R3HCC1L: variants seen among roughly 807,000 people sequenced by gnomAD.
R3HCC1L encodes the protein coiled-coil domain-containing protein R3HCC1L.
In R3HCC1L, 51 loss-of-function variants were observed where a neutral mutation model predicts 59.9. That is an observed-to-expected ratio of 0.85 (90% CI 0.68 to 1.07). The LOEUF is 1.07. R3HCC1L is among the 50% of genes least tolerant of loss of function. The pLI is 0.00. For synonymous variants in R3HCC1L, 322 were observed against 315.2 expected (o/e 1.02, Z -0.23); for missense variants, 965 against 933.0 (o/e 1.03, Z -0.45).
At chr10:98,221,515 T>C (rs113609326) in intron 5 of R3HCC1L, among the ~76,000 whole-genome samples, 1 of 151,886 alleles carries the variant, frequency 6.6e-6, no homozygotes, top group African/African-American at 2.4e-5. Flanking sequence ...GTTTTAGGTC[T>C]AACGTTTAAG....
intron 4 of R3HCC1L, among the ~76,000 whole-genome samples, chr10:98,169,013 T>G (rs1277927828): frequency 1.3e-5 from 2 of 152,158 alleles, no homozygotes; most frequent in East Asian, 1.9e-4. Flanking sequence ...ACCATATGGC[T>G]TTTGAGGGTG....
intron 5 of R3HCC1L, among the ~76,000 whole-genome samples, chr10:98,211,828 AG>A (rs1476622874): frequency 6.6e-6 from 1 of 152,092 alleles, no homozygotes; most frequent in Non-Finnish European, 1.5e-5. Flanking sequence ...GTATTGGAAG[AG>A]GGGGAGTTCA....
chr10:98,194,924 T>G (rs1321810396), intron 4 of R3HCC1L, among the ~76,000 whole-genome samples: 1 of 152,068 alleles, frequency 6.6e-6, no homozygotes, highest in Non-Finnish European at 1.5e-5. Flanking sequence ...TTCCTAAAAC[T>G]AAAAATAGAA....
chr10:98,135,599 A>C (rs772719924), intron 1 of R3HCC1L, among the ~76,000 whole-genome samples: 48 of 152,196 alleles, frequency 3.2e-4, no homozygotes, highest in Non-Finnish European at 2.5e-4. Flanking sequence ...AATAGGGGGA[A>C]AGTGTCTTTG....
chr10:98,196,939 C>G (rs539490940), intron 4 of R3HCC1L, among the ~76,000 whole-genome samples: 1 of 152,216 alleles, frequency 6.6e-6, no homozygotes, highest in Non-Finnish European at 1.5e-5. Context: ...TTTCTTGAGA[C>G]AGGGTCTTAC....
intron 4 of R3HCC1L, among the ~76,000 whole-genome samples, chr10:98,197,850 G>A (rs1439790696): frequency 6.6e-6 from 1 of 152,142 alleles, no homozygotes; most frequent in Non-Finnish European, 1.5e-5. Flanking sequence ...ATCAAGGAGA[G>A]TCATAATGAA....
intron 4 of R3HCC1L, among the ~76,000 whole-genome samples, chr10:98,167,750 T>C (rs1276846561): frequency 1.3e-5 from 2 of 152,176 alleles, no homozygotes; most frequent in African/African-American, 2.4e-5. Context: ...TGTGTAATCT[T>C]AAGTAACTTA....
At chr10:98,157,536 G>T (rs918774351) in intron 2 of R3HCC1L, among the ~76,000 whole-genome samples, 1 of 152,158 alleles carries the variant, frequency 6.6e-6, no homozygotes, top group Non-Finnish European at 1.5e-5. Context: ...TCCAGAGTTG[G>T]TATGGCCAGT....
chr10:98,187,503 G>C (rs1296409800), intron 4 of R3HCC1L, among the ~76,000 whole-genome samples: 1 of 152,050 alleles, frequency 6.6e-6, no homozygotes, highest in Non-Finnish European at 1.5e-5. Flanking sequence ...AAAATACAGA[G>C]TATCAATTCT....
In R3HCC1L at chr10:98,209,276, C is replaced by G; in HGVS notation, c.1162C>G (p.His388Asp). The G allele has an allele frequency of 6.2e-7, 1 of 1,613,858 alleles. No individual in the cohort carries two copies. The highest frequency in any genetic ancestry group is 8.5e-7 in the Non-Finnish European group (1 of 1,179,916). ...MDTTGMSCSDHVTVDSPYVVA... is the reference protein window; with the variant it reads ...MDTTGMSCSDDVTVDSPYVVA... ...CACTACAGGTATGTCCTGTAGTGAT[C>G]ATGTAACTGTTGATAGCCCTTATGT... The change falls in exon 5 of 10, where the codon CAT (histidine) becomes GAT (aspartate). Residue 388 changes from histidine (H) to aspartate (D), a missense_variant. Physicochemically the swap from His to Asp is moderately conservative, Grantham distance 81. Transcript: ENST00000298999.
At chr10:98,229,759 A>G (rs1206104422) in intron 5 of R3HCC1L, among the ~76,000 whole-genome samples, 2 of 152,174 alleles carry the variant, frequency 1.3e-5, no homozygotes, top group Admixed American at 1.3e-4. Context: ...CGTCCCATCA[A>G]TACCTAATTT....
At chr10:98,195,295 T>G (rs1851302491) in intron 4 of R3HCC1L, among the ~76,000 whole-genome samples, 1 of 152,110 alleles carries the variant, frequency 6.6e-6, no homozygotes, top group Non-Finnish European at 1.5e-5. Flanking sequence ...ACTAGAATGG[T>G]GGTTGCCAAG....
At chr10:98,141,860 C>T (rs77864451) in intron 1 of R3HCC1L, among the ~76,000 whole-genome samples, 2 of 152,268 alleles carry the variant, frequency 1.3e-5, no homozygotes, top group Admixed American at 6.5e-5. Context: ...TTGCCAGATT[C>T]AAGGAGAGAG....
chr10:98,138,058 C>G (rs1395310114), intron 1 of R3HCC1L, among the ~76,000 whole-genome samples: 1 of 152,038 alleles, frequency 6.6e-6, no homozygotes, highest in Admixed American at 6.6e-5. Context: ...TGAGAAAAAC[C>G]AAGGAGGAAA....
Position 98,236,006 on chromosome 10 carries a change from T to C in R3HCC1L, c.2129-18T>C, listed in dbSNP as rs757938112. ...CTCTTCTTGACTCCTTCCTACTCCCTTCCTTTCTTCGATTCAGAGTTCCTC... is the reference window on the plus strand; with the variant it reads ...CTCTTCTTGACTCCTTCCTACTCCCCTCCTTTCTTCGATTCAGAGTTCCTC... On this transcript the variant is annotated intron_variant, in intron 8 of 9. Coordinates refer to ENST00000298999, the MANE Select transcript of R3HCC1L (RefSeq NM_001351015.2). 2 of 1,609,792 alleles carry C rather than the reference T, an allele frequency of 1.2e-6. No individual in the cohort carries two copies. The highest frequency in any genetic ancestry group is 3.4e-5 in the Admixed American group (2 of 59,498).
intron 5 of R3HCC1L, among the ~76,000 whole-genome samples, chr10:98,226,038 G>A (rs1328857157): frequency 6.6e-6 from 1 of 152,072 alleles, no homozygotes; most frequent in African/African-American, 2.4e-5. Flanking sequence ...TGTAGAGGCA[G>A]GGTTTTGCCA....
At chr10:98,238,742 A>AG (rs1231582140) in intron 9 of R3HCC1L, among the ~76,000 whole-genome samples, 1 of 152,162 alleles carries the variant, frequency 6.6e-6, no homozygotes, top group Non-Finnish European at 1.5e-5. Flanking sequence ...ATTTTCTCCC[A>AG]GAAAAAAAAA....
chr10:98,174,613 G>A (rs1186732156), intron 4 of R3HCC1L: 22 of 985,156 alleles, frequency 2.2e-5, no homozygotes, highest in Non-Finnish European at 2.5e-5. Flanking sequence ...CATTTAGGAG[G>A]GCGTTAGACA....
chr10:98,137,579 A>G (rs1376504613), intron 1 of R3HCC1L, among the ~76,000 whole-genome samples: 3 of 152,232 alleles, frequency 2.0e-5, no homozygotes, highest in African/African-American at 7.2e-5. Context: ...AAGTTGTCAG[A>G]TTGCAGTTTG....
Sources: gnomAD v4.1 joint callset for allele counts (sites outside exome capture counted in the v4.1 genomes callset) on GRCh38, gnomAD v4.1.1 for gene constraint, MANE v1.5 for transcripts, NCBI Gene and HGNC (gene_info 2026-07-23, HGNC 2026-07-21) for gene names.